ADAM10: variants seen among roughly 807,000 people sequenced by gnomAD.
ADAM10 encodes ADAM metallopeptidase domain 10.
ADAM10 carries 17 observed loss-of-function variants against 90.1 expected under a neutral mutation model. The observed-to-expected ratio is 0.19, with a 90% CI of 0.13 to 0.28. The LOEUF (loss-of-function observed/expected upper bound fraction) is 0.28. ADAM10 is among the 10% of genes least tolerant of loss of function. ADAM10 has a pLI of 1.00. For synonymous variants in ADAM10, 310 were observed against 298.6 expected, an observed-to-expected ratio of 1.04 and a Z score of -0.40; for missense variants, 610 against 914.3, an observed-to-expected ratio of 0.67 and a Z score of 4.29.
intron 4 of ADAM10, among the ~76,000 whole-genome samples, chr15:58,669,754 C>A (rs1897153513): frequency 6.6e-6 from 1 of 152,026 alleles, no homozygotes; most frequent in Non-Finnish European, 1.5e-5. Flanking sequence ...AATGTATTAA[C>A]AAATCATGGT....
At chr15:58,647,724 A>T (rs1023100360) in intron 5 of ADAM10, among the ~76,000 whole-genome samples, 12 of 151,862 alleles carry the variant, frequency 7.9e-5, no homozygotes, top group African/African-American at 2.9e-4. Flanking sequence ...CTAATTTTTT[A>T]ATTTTTTTGT....
chr15:58,603,961 GA>G (rs1416812368), intron 14 of ADAM10, among the ~76,000 whole-genome samples: 1 of 135,934 alleles, frequency 7.4e-6, no homozygotes, highest in South Asian at 2.4e-4. Context: ...CTTTTCAAAA[GA>G]AAAAAAGTAG....
At chr15:58,600,532 T>A (rs1356770740) in intron 14 of ADAM10, among the ~76,000 whole-genome samples, 2 of 152,108 alleles carry the variant, frequency 1.3e-5, no homozygotes, top group African/African-American at 4.8e-5. Context: ...TTATAGGCTA[T>A]CTTTTTAAAT....
Position 58,597,519 on chromosome 15 carries a change from C to T in ADAM10, c.*28G>A, listed in dbSNP as rs772689668. The T allele has an allele frequency of 2.9e-5, 46 of 1,613,950 alleles. No individual in the cohort carries two copies. The highest frequency in any genetic ancestry group is 3.9e-5 in the Non-Finnish European group (46 of 1,180,002). On this transcript the variant is annotated 3_prime_UTR_variant, in exon 16 of 16. Coordinates refer to ENST00000260408, the MANE Select transcript of ADAM10 (RefSeq NM_001110.4). ...GAGTGAAGTTTTCCCATTGTAGGCA[C>T]TAGGAAGAACCAAGGCAAAAGCTGC... is the stretch of plus-strand genomic sequence containing the variant.
At chr15:58,716,237 G>A (rs573201649) in intron 2 of ADAM10, among the ~76,000 whole-genome samples, 4 of 152,050 alleles carry the variant, frequency 2.6e-5, no homozygotes, top group South Asian at 2.1e-4. Flanking sequence ...GTTTAAGCAC[G>A]TGTACCATAT....
intron 2 of ADAM10, chr15:58,691,405 C>A (rs1206060312): frequency 1.4e-6 from 1 of 728,122 alleles, no homozygotes; most frequent in Admixed American, 1.8e-5. Context: ...TCCACAAAAG[C>A]AGAGTTGGCT....
intron 14 of ADAM10, among the ~76,000 whole-genome samples, chr15:58,606,880 G>T (rs1324706217): frequency 6.6e-6 from 1 of 152,192 alleles, no homozygotes; most frequent in African/African-American, 2.4e-5. Context: ...TAAAAGCCCA[G>T]ATAAACATTT....
At chr15:58,694,173 G>C (rs1256794811) in intron 2 of ADAM10, among the ~76,000 whole-genome samples, 1 of 152,146 alleles carries the variant, frequency 6.6e-6, no homozygotes, top group Non-Finnish European at 1.5e-5. Context: ...AACCAGGCCA[G>C]GCACAGTGGC....
In ADAM10 at chr15:58,624,199, T is replaced by C. The variant is rs182614674; in HGVS notation, c.1361-2578A>G. On this transcript the variant is annotated intron_variant, in intron 10 of 15. Coordinates refer to ENST00000260408, the MANE Select transcript of ADAM10 (RefSeq NM_001110.4). Reference sequence around the variant, plus strand: ...TACTTGGGAGGCTGAGGCATGAGAATCGCTTGAACCTGGGAGGGAGAGGTT... The same window carrying C: ...TACTTGGGAGGCTGAGGCATGAGAACCGCTTGAACCTGGGAGGGAGAGGTT... 3.4e-3 allele frequency among the ~76,000 whole-genome samples: 523 copies of C among 151,862 alleles called. 5 individuals are homozygous for C. The highest frequency in any genetic ancestry group is 0.012 in the African/African-American group (492 of 41,438).
chr15:58,699,538 CACTTGAG>C (rs1357993006), intron 2 of ADAM10, among the ~76,000 whole-genome samples: 2 of 151,634 alleles, frequency 1.3e-5, no homozygotes, highest in Admixed American at 6.6e-5. Flanking sequence ...ACAGGCAGGT[CACTTGAG>C]GCCAGGAGTT....
At chr15:58,619,970 T>C (rs972891152) in intron 11 of ADAM10, among the ~76,000 whole-genome samples, 3 of 147,680 alleles carry the variant, frequency 2.0e-5, no homozygotes, top group Non-Finnish European at 4.5e-5. Flanking sequence ...AGTGTGCGAC[T>C]TTTTTTTTTA....
intron 8 of ADAM10, among the ~76,000 whole-genome samples, chr15:58,636,174 G>A (rs1012975893): frequency 6.6e-6 from 1 of 152,000 alleles, no homozygotes; most frequent in Non-Finnish European, 1.5e-5. Flanking sequence ...CTACTCAGGA[G>A]GCTGAGGCAG....
At chr15:58,689,945 C>CA (rs1555418402) in intron 2 of ADAM10, among the ~76,000 whole-genome samples, 2 of 84,672 alleles carry the variant, frequency 2.4e-5, no homozygotes, top group East Asian at 7.1e-4. Flanking sequence ...CAAAGACAGA[C>CA]CCCCCCCAAA....
Position 58,591,761 on chromosome 15 carries a change from TTAAG to T in ADAM10, c.*5782_*5785del, listed in dbSNP as rs1894828396. ...CTTATACATCGTATCATTTCATTTT[TTAAG>T]TGTTTCAATTTGCATCTCTAAAAGG... On this transcript the variant is annotated 3_prime_UTR_variant, in exon 16 of 16. Transcript: ENST00000260408. The T allele has an allele frequency of 1.3e-5, 2 of 152,256 alleles. No individual in the cohort carries two copies. The highest frequency in any genetic ancestry group is 4.8e-5 in the African/African-American group (2 of 41,472). 9.4% of individuals were successfully genotyped at this position (152,256 alleles called of 1,614,324 possible). A position where few individuals can be genotyped will look rare whatever the true frequency, so the allele number is the denominator to read the frequency against.
At chr15:58,730,855 T>C (rs1595664389) in intron 1 of ADAM10, among the ~76,000 whole-genome samples, 1 of 152,132 alleles carries the variant, frequency 6.6e-6, no homozygotes, top group Non-Finnish European at 1.5e-5. Flanking sequence ...TCCCTCTCTT[T>C]CCCCTCGGGA....
At position 58,716,464 on chromosome 15, in the gene ADAM10, A is replaced by G. The variant is rs1286155498; in HGVS notation, c.206+1113T>C. ...AATTGTACATTAAAAGATGATCAGGATTTAGGACAAATGACACAGAACAAA... is the reference window on the plus strand; with the variant it reads ...AATTGTACATTAAAAGATGATCAGGGTTTAGGACAAATGACACAGAACAAA... On this transcript the variant is annotated intron_variant, in intron 2 of 15. Transcript: ENST00000260408. 6.6e-5 allele frequency among the ~76,000 whole-genome samples: 10 copies of G among 152,214 alleles called. No homozygotes were observed. The South Asian group carries it at 1.4e-3, about 22-fold the overall frequency.
chr15:58,723,628 C>T (rs893216767), intron 1 of ADAM10, among the ~76,000 whole-genome samples: 2 of 152,064 alleles, frequency 1.3e-5, no homozygotes, highest in Non-Finnish European at 2.9e-5. Context: ...TCTCTTGAAC[C>T]CGGGAGACGG....
At chr15:58,647,835 G>C (rs1043489790) in intron 5 of ADAM10, among the ~76,000 whole-genome samples, 1 of 152,160 alleles carries the variant, frequency 6.6e-6, no homozygotes, top group Non-Finnish European at 1.5e-5. Flanking sequence ...TTACAGGCAG[G>C]AGCCACTGTG....
intron 13 of ADAM10, 115 bp from the exon 14 acceptor site, chr15:58,610,632 C>T: frequency 1.0e-6 from 1 of 980,300 alleles, no homozygotes; most frequent in Non-Finnish European, 1.6e-6. Flanking sequence ...ATTACCATAA[C>T]ATGTTATACA....
Sources: gnomAD v4.1 joint callset for allele counts (sites outside exome capture counted in the v4.1 genomes callset) on GRCh38, gnomAD v4.1.1 for gene constraint, MANE v1.5 for transcripts, NCBI Gene and HGNC (gene_info 2026-07-23, HGNC 2026-07-21) for gene names.